The following SRCAP variants were observed in gnomAD, a reference collection of about 807,000 sequenced individuals.
SRCAP encodes chromatin remodeling protein SRCAP.
Under a neutral mutation model 263.1 loss-of-function variants are expected in SRCAP, and 46 were observed. The observed-to-expected ratio is 0.17, with a 90% CI of 0.14 to 0.22. SRCAP has a LOEUF of 0.22. SRCAP is among the 10% of genes least tolerant of loss of function. SRCAP has a pLI of 1.00. For synonymous variants in SRCAP, 1,813 were observed against 1,662.1 expected (o/e 1.09, Z -2.21); for missense variants, 3,695 against 4,181.9 (o/e 0.88, Z 3.21).
chr16:30,735,871 G>A (rs908497198), intron 31 of SRCAP, among the ~76,000 whole-genome samples: 6 of 151,300 alleles, frequency 4.0e-5, no homozygotes, highest in African/African-American at 1.5e-4. Flanking sequence ...GAGCCACTGC[G>A]CCCGGGTGAA....
At chr16:30,710,958 A>G (rs1360943551) in intron 9 of SRCAP, 41 bp from the exon 10 acceptor site, 1 of 1,600,878 alleles carries the variant, frequency 6.2e-7, no homozygotes, top group Admixed American at 1.7e-5. Flanking sequence ...CTGTGCCTCT[A>G]GCCTCTATCC....
rs925101354 is a variant in SRCAP, at chr16:30,736,527, G to A, written c.6925-14G>A. Reference sequence around the variant, plus strand: ...CCAGGTTCCTAAGTTTATCACCACCGCTCCTCCTTGCAGCTGACCCCCATT... The same window carrying A: ...CCAGGTTCCTAAGTTTATCACCACCACTCCTCCTTGCAGCTGACCCCCATT... On this transcript the variant is annotated splice_polypyrimidine_tract_variant and intron_variant, in intron 32 of 33. Transcript: ENST00000262518. 8 of 1,613,930 alleles carry A rather than the reference G, an allele frequency of 5.0e-6. No homozygotes were observed. Among genetic ancestry groups the A allele is most frequent in the East Asian group, 4.5e-5 (2 of 44,880 alleles).
chr16:30,729,771 T>C (rs547102160), intron 27 of SRCAP, among the ~76,000 whole-genome samples, 199 bp downstream of exon 27: 2 of 152,168 alleles, frequency 1.3e-5, no homozygotes, highest in Non-Finnish European at 2.9e-5. Context: ...ATGACTTTCT[T>C]CTTTTTTTTT....
intron 3 of SRCAP, among the ~76,000 whole-genome samples, chr16:30,702,558 C>G (rs1174753862): frequency 1.5e-5 from 2 of 134,622 alleles, no homozygotes; most frequent in African/African-American, 5.6e-5. Flanking sequence ...CCTTCCCTCC[C>G]TCCCTCCCTT....
chr16:30,700,803 G>C lies in SRCAP; in HGVS notation c.-22G>C, dbSNP rs1228076236. On this transcript the variant is annotated 5_prime_UTR_variant, in exon 3 of 34. Transcript: ENST00000262518. ...ACCCAGTCATTCTTCAGGCATCCAA[G>C]GGGGAGCCTGGGAGTGGGACCATGC... is the stretch of plus-strand genomic sequence containing the variant. 1 of 1,612,234 alleles carries C rather than the reference G, an allele frequency of 6.2e-7. No homozygotes were observed. The highest frequency in any genetic ancestry group is 8.5e-7 in the Non-Finnish European group (1 of 1,178,594).
chr16:30,707,858 T>C, intron 6 of SRCAP, 146 bp downstream of exon 6: 1 of 1,079,860 alleles, frequency 9.3e-7, no homozygotes, highest in Middle Eastern at 2.2e-4. Context: ...TAAAAAAGTA[T>C]AGTGGCAAAA....
At chr16:30,726,692 G>A (rs1194519770) in intron 25 of SRCAP, among the ~76,000 whole-genome samples, 2 of 150,918 alleles carry the variant, frequency 1.3e-5, no homozygotes, top group Non-Finnish European at 3.0e-5. Context: ...TAATTTTTTT[G>A]TATTCTTATT....
Position 30,712,665 on chromosome 16 carries a change from T to G in SRCAP, c.1994-14T>G. 6.2e-7 allele frequency: 1 copy of G among 1,613,892 alleles called. No homozygotes were observed. The highest frequency in any genetic ancestry group is 8.5e-7 in the Non-Finnish European group (1 of 1,179,892). On this transcript the variant is annotated splice_polypyrimidine_tract_variant and intron_variant, in intron 13 of 33. Transcript: ENST00000262518. ...TTACATTTCCTTACCATCTCTGATT[T>G]TTTTGCCTAACAGGTAACTGGGGTC...
chr16:30,737,247 C>G lies in SRCAP; in HGVS notation c.7207C>G (p.Arg2403Gly). 1 of 1,614,042 alleles carries G rather than the reference C, an allele frequency of 6.2e-7. No homozygotes were observed. The highest frequency in any genetic ancestry group is 8.5e-7 in the Non-Finnish European group (1 of 1,180,008). Reference protein sequence around the residue: ...TRVSERLRGARAETQGANHTP... With the variant: ...TRVSERLRGAGAETQGANHTP... ...TGTCAGTGAGCGTCTTCGTGGAGCC[C>G]GGGCTGAGACTCAAGGGGCAAACCA... Residue 2403 changes from arginine (R) to glycine (G), a missense_variant, in exon 34 of 34, where the codon CGG (arginine) becomes GGG (glycine). Transcript: ENST00000262518.
chr16:30,717,623 T>C (rs1320616640), intron 18 of SRCAP, among the ~76,000 whole-genome samples: 1 of 145,694 alleles, frequency 6.9e-6, no homozygotes, highest in African/African-American at 2.5e-5. Context: ...TTTTTTTTTT[T>C]TTTTTTTTGA....
chr16:30,739,375 CACTA>C lies in SRCAP; in HGVS notation c.9338_9341del (p.Leu3113ProfsTer14), dbSNP rs2053199279. 3 of 1,614,118 alleles carry C rather than the reference CACTA, an allele frequency of 1.9e-6. No individual in the cohort carries two copies. The highest frequency in any genetic ancestry group is 1.1e-5 in the South Asian group (1 of 91,094). ...TTGGAATTGACACCACCTGTGGTCT[CACTA>C]ACCCCAAAACTGCGCTCGACCCGGC... On this transcript the variant is annotated frameshift_variant, in exon 34 of 34. Coordinates refer to ENST00000262518, the MANE Select transcript of SRCAP (RefSeq NM_006662.3).
chr16:30,723,871 G>A lies in SRCAP; in HGVS notation c.4447G>A (p.Val1483Ile). 2.5e-6 allele frequency: 4 copies of A among 1,614,072 alleles called. No individual in the cohort carries two copies. The highest frequency in any genetic ancestry group is 1.3e-5 in the African/African-American group (1 of 74,996). Residue 1483 changes from valine (V) to isoleucine (I), a missense_variant, in exon 25 of 34, where the codon GTT becomes ATT. Val to Ile is a conservative substitution (Grantham distance 29). This residue lies in a region of SRCAP where 1,347 missense variants were observed against 1,304.4 expected (regional missense o/e 1.03). Coordinates refer to ENST00000262518, the MANE Select transcript of SRCAP (RefSeq NM_006662.3). ...LTSVTPPLAP[V>I]VPAAPGPPSL... ...CAGTGTGACTCCACCATTGGCACCT[G>A]TTGTCCCAGCGGCTCCTGGACCTCC...
At chr16:30,717,150 T>C (rs920435656) in intron 18 of SRCAP, among the ~76,000 whole-genome samples, 3 of 152,098 alleles carry the variant, frequency 2.0e-5, no homozygotes, top group Non-Finnish European at 4.4e-5. Context: ...TATTAATGAG[T>C]GTGAATTGGT....
chr16:30,729,225 T>C lies in SRCAP; in HGVS notation c.5918T>C (p.Ile1973Thr), dbSNP rs772327836. The C allele has an allele frequency of 6.8e-5, 110 of 1,606,016 alleles. No individual in the cohort carries two copies. The Admixed American group carries it at 8.4e-4, about 12-fold the overall frequency. ...CGACTAGACCAGCTGTCAGAAATCA[T>C]TGAGAGGTTGGCAGGGCTAAGTGCT... is the stretch of plus-strand genomic sequence containing the variant. Reference protein sequence around the residue: ...QQRLDQLSEIIERFIFVMPPV... With the variant: ...QQRLDQLSEITERFIFVMPPV... The change falls in exon 26 of 34, where the codon ATT becomes ACT. Residue 1973 changes from isoleucine to threonine, a missense_variant. Transcript: ENST00000262518.
chr16:30,714,507 C>CTTTTTTTTTTTTTTTTT lies in SRCAP; in HGVS notation c.2493+808_2493+809insTTTTTTTTTTTTTTTTT, dbSNP rs749242748. 9.0e-5 allele frequency among the ~76,000 whole-genome samples: 9 copies of CTTTTTTTTTTTTTTTTT among 99,998 alleles called. 3 individuals carry two copies. Among genetic ancestry groups the CTTTTTTTTTTTTTTTTT allele is most frequent in the Admixed American group, 1.4e-4 (1 of 7,114 alleles). The allele number at this position is 99,998 out of a possible 152,430, so 65.6% of individuals were successfully genotyped here. ...TAAAGGTGTGAGCCACCGTGCCGGG[C>CTTTTTTTTTTTTTTTTT]TTTTTTTTTTTTGAGACAGAGTCTC... On this transcript the variant is annotated intron_variant, in intron 16 of 33. Transcript: ENST00000262518.
intron 21 of SRCAP, 140 bp from the exon 22 acceptor site, chr16:30,721,982 T>G (rs1596654523): frequency 9.4e-7 from 1 of 1,066,262 alleles, no homozygotes; most frequent in Non-Finnish European, 1.3e-6. Context: ...GGAGGCTGAG[T>G]TTATTGGGAC....
At chr16:30,718,575 G>C (rs948923551) in intron 18 of SRCAP, among the ~76,000 whole-genome samples, 5 of 151,038 alleles carry the variant, frequency 3.3e-5, no homozygotes, top group Admixed American at 2.7e-4. Flanking sequence ...CTGGGTTCAA[G>C]TGATTCTCCT....
rs568500355 is a variant in SRCAP at position 30,714,754 on chromosome 16, C to G, written c.2493+1043C>G. 4.0e-5 allele frequency among the ~76,000 whole-genome samples: 6 copies of G among 151,392 alleles called. 1 individual carries two copies. The South Asian group carries it at 1.3e-3, about 32-fold the overall frequency. On this transcript the variant is annotated intron_variant, in intron 16 of 33. Coordinates refer to ENST00000262518, the MANE Select transcript of SRCAP (RefSeq NM_006662.3). ...GACCTTAAGTGATCCGCCCTGCCCCCGCTTGGCCTCCCAAAGTGTTGGGAT... is the reference window on the plus strand; with the variant it reads ...GACCTTAAGTGATCCGCCCTGCCCCGGCTTGGCCTCCCAAAGTGTTGGGAT...
chr16:30,724,927 G>T lies in SRCAP; in HGVS notation c.5503G>T (p.Val1835Phe), dbSNP rs1048934999. 9.9e-6 allele frequency: 16 copies of T among 1,614,076 alleles called. No homozygotes were observed. The highest frequency in any genetic ancestry group is 1.2e-5 in the Non-Finnish European group (14 of 1,180,058). Reference sequence around the variant, plus strand: ...GGCATCTGGTGCCGCTCCCTTGCCTGTCACCATGGTATCCCGGCTGCCTGT... The same window carrying T: ...GGCATCTGGTGCCGCTCCCTTGCCTTTCACCATGGTATCCCGGCTGCCTGT... Reference protein sequence around the residue: ...VSASGAAPLPVTMVSRLPVSK... With the variant: ...VSASGAAPLPFTMVSRLPVSK... The change falls in exon 25 of 34, where the codon GTC becomes TTC. Residue 1835 changes from valine to phenylalanine, a missense_variant. Physicochemically the swap from Val to Phe is conservative, Grantham distance 50. Transcript: ENST00000262518.
Sources: allele counts gnomAD v4.1 joint callset (sites outside exome capture counted in the v4.1 genomes callset), GRCh38; gene constraint gnomAD v4.1.1; regional missense constraint gnomAD v4.1.1; transcripts MANE v1.5; gene names NCBI Gene and HGNC (gene_info 2026-07-23, HGNC 2026-07-21).